ZNF563: variants seen among roughly 807,000 people sequenced by gnomAD.
ZNF563 encodes the protein zinc finger protein 563.
Under a neutral mutation model 48.5 loss-of-function variants are expected in ZNF563, and 39 were observed. The ratio of observed to expected loss-of-function variants is 0.80; its 90% CI spans 0.62 to 1.05. ZNF563 has a LOEUF of 1.05. Among genes scored for constraint, ZNF563 ranks in the 50% least tolerant of loss-of-function variants. The pLI is 0.00. For missense variants in ZNF563, 538 were observed against 597.0 expected (o/e 0.90, Z 1.03); for synonymous variants, 168 against 187.9 (o/e 0.89, Z 0.87).
At chr19:12,343,727 T>A in the ZNF563 span, among the ~76,000 whole-genome samples, 12 of 120,622 alleles carry the variant, frequency 9.9e-5, no homozygotes, top group South Asian at 2.8e-3. Flanking sequence ...CATAAATTCT[T>A]TTTTTTTTTT....
rs1968664159 is a variant in ZNF563 at position 12,322,651 on chromosome 19, C to A, written c.64G>T (p.Gly22Cys). ...NFTQEEWALL[G>C]PSQKNLYRYV... Reference sequence around the variant, plus strand: ...CTGTATAAATTCTTCTGTGATGGACCCAGCAAAGCCCATTCCTCCTGGGTG... The same window carrying A: ...CTGTATAAATTCTTCTGTGATGGACACAGCAAAGCCCATTCCTCCTGGGTG... Residue 22 changes from glycine (G) to cysteine (C), a missense_variant, in exon 2 of 4, where the codon GGT (glycine) becomes TGT (cysteine). Transcript: ENST00000293725. The A allele has an allele frequency of 6.2e-7, 1 of 1,609,950 alleles. No homozygotes were observed. Among genetic ancestry groups the A allele is most frequent in the Non-Finnish European group, 8.5e-7 (1 of 1,177,620 alleles).
chr19:12,322,484 C>T (rs1968656642), intron 2 of ZNF563, 101 bp downstream of exon 2: 2 of 1,267,094 alleles, frequency 1.6e-6, no homozygotes, highest in African/African-American at 1.6e-5. Context: ...GTTCAAGAGT[C>T]CATCATATGC....
the ZNF563 span, among the ~76,000 whole-genome samples, chr19:12,339,046 C>T: frequency 2.6e-5 from 4 of 152,132 alleles, no homozygotes; most frequent in Non-Finnish European, 5.9e-5. Flanking sequence ...TCCAGTTTGG[C>T]AGTGGGGTCT....
At chr19:12,342,627 C>T in the ZNF563 span, among the ~76,000 whole-genome samples, 1 of 150,980 alleles carries the variant, frequency 6.6e-6, no homozygotes, top group Admixed American at 6.6e-5. Context: ...ATTAAAAAAT[C>T]AGCCAGACAT....
the ZNF563 span, among the ~76,000 whole-genome samples, chr19:12,343,193 T>G: frequency 1.3e-5 from 2 of 150,244 alleles, no homozygotes; most frequent in Non-Finnish European, 3.0e-5. Flanking sequence ...CGAGACTGTC[T>G]CAAAAGGAAA....
At chr19:12,327,555 T>C (rs967349467) in intron 1 of ZNF563, among the ~76,000 whole-genome samples, 3 of 151,744 alleles carry the variant, frequency 2.0e-5, no homozygotes, top group Admixed American at 2.0e-4. Context: ...CATATACATA[T>C]TAATTCAATT....
intron 1 of ZNF563, among the ~76,000 whole-genome samples, chr19:12,329,906 CTTTCTTTTCT>C (rs938578537): frequency 1.3e-5 from 2 of 150,582 alleles, no homozygotes; most frequent in Admixed American, 6.6e-5. Context: ...GTAGGTAATA[CTTTCTTTTCT>C]TTTCTTTTCT....
chr19:12,320,169 G>A (rs1968573122), intron 3 of ZNF563, among the ~76,000 whole-genome samples: 1 of 151,876 alleles, frequency 6.6e-6, no homozygotes, highest in Admixed American at 6.6e-5. Context: ...ACCCCCCCTT[G>A]GCCTCCCAAA....
chr19:12,319,888 TTA>T, intron 3 of ZNF563, 55 bp from the exon 4 acceptor site: 3 of 1,513,184 alleles, frequency 2.0e-6, no homozygotes. Flanking sequence ...GATTATTTAT[TTA>T]TGTGTATTAA....
At position 12,329,414 on chromosome 19, in the gene ZNF563, A is replaced by C. The variant is rs904772157; in HGVS notation, c.3+4066T>G. ...CTTGAACCCGGGAAGCGCAGGTTGC[A>C]GTGAGCTGAGATCACACCACTGCAC... On this transcript the variant is annotated intron_variant, in intron 1 of 3. Transcript: ENST00000293725. 4.0e-4 allele frequency among the ~76,000 whole-genome samples: 60 copies of C among 150,070 alleles called. 1 individual carries two copies. Among genetic ancestry groups the C allele is most frequent in the South Asian group, 2.8e-3 (13 of 4,726 alleles).
chr19:12,332,419 C>A (rs965166117), intron 1 of ZNF563, among the ~76,000 whole-genome samples: 4 of 147,366 alleles, frequency 2.7e-5, no homozygotes, highest in African/African-American at 1.0e-4. Flanking sequence ...GACGTGATCT[C>A]AGTTCACTGC....
At chr19:12,337,924 C>A (rs1340765865), upstream of ZNF563, among the ~76,000 whole-genome samples, 2 of 152,040 alleles carry the variant, frequency 1.3e-5, no homozygotes, top group African/African-American at 4.8e-5. Flanking sequence ...ACCACCATGT[C>A]TACCAATAAA....
At chr19:12,333,162 G>A (rs989796757) in intron 1 of ZNF563, among the ~76,000 whole-genome samples, 4 of 152,202 alleles carry the variant, frequency 2.6e-5, no homozygotes, top group Admixed American at 2.0e-4. Flanking sequence ...CACGAGTGGG[G>A]ATTCCCTCCA....
chr19:12,344,466 C>T, the ZNF563 span, among the ~76,000 whole-genome samples: 1 of 150,626 alleles, frequency 6.6e-6, no homozygotes, highest in African/African-American at 2.4e-5. Flanking sequence ...AGGCAAAAAA[C>T]ACATTTATCA....
intron 3 of ZNF563, 90 bp downstream of exon 3, chr19:12,321,182 T>G: frequency 3.3e-6 from 3 of 907,880 alleles, no homozygotes; most frequent in Non-Finnish European, 3.3e-6. Flanking sequence ...AAATTTAAGC[T>G]GGACTTGTTC....
At chr19:12,339,318 C>A in the ZNF563 span, among the ~76,000 whole-genome samples, 1 of 126,314 alleles carries the variant, frequency 7.9e-6, no homozygotes, top group Non-Finnish European at 1.6e-5. Flanking sequence ...CTCGCTCTGT[C>A]ACCCAGGCTG....
At chr19:12,341,698 G>A in the ZNF563 span, among the ~76,000 whole-genome samples, 2 of 152,024 alleles carry the variant, frequency 1.3e-5, no homozygotes. Context: ...AAACAACAGA[G>A]GCCCAAAATA....
At chr19:12,343,184 G>A in the ZNF563 span, among the ~76,000 whole-genome samples, 6 of 151,538 alleles carry the variant, frequency 4.0e-5, no homozygotes, top group Admixed American at 1.3e-4. Flanking sequence ...GTGACAGAGC[G>A]AGACTGTCTC....
intron 1 of ZNF563, among the ~76,000 whole-genome samples, chr19:12,324,218 G>T (rs966411242): frequency 6.6e-6 from 1 of 151,988 alleles, no homozygotes; most frequent in Non-Finnish European, 1.5e-5. Flanking sequence ...AAAATTAGCC[G>T]GGCATGGTGG....
Sources: gnomAD v4.1 joint callset for allele counts (sites outside exome capture counted in the v4.1 genomes callset) on GRCh38, gnomAD v4.1.1 for gene constraint, MANE v1.5 for transcripts, NCBI Gene and HGNC (gene_info 2026-07-23, HGNC 2026-07-21) for gene names.